ITGB2: variants seen among roughly 807,000 people sequenced by gnomAD.
The protein encoded by ITGB2 is integrin subunit beta 2.
In ITGB2, 56 loss-of-function variants were observed where a neutral mutation model predicts 86.8. The ratio of observed to expected loss-of-function variants is 0.65; its 90% CI spans 0.52 to 0.81. The LOEUF is 0.81. Among genes scored for constraint, ITGB2 ranks in the 30% least tolerant of loss-of-function variants. The pLI, the probability that ITGB2 is intolerant of heterozygous loss-of-function variation, is 0.00. For missense variants in ITGB2, 948 were observed against 1,061.2 expected (o/e 0.89, Z 1.48); for synonymous variants, 457 against 450.4 (o/e 1.01, Z -0.19).
chr21:44,907,844 C>T, intron 3 of ITGB2: 1 of 564,508 alleles, frequency 1.8e-6, no homozygotes, highest in South Asian at 2.4e-5. Flanking sequence ...GGCGACAGTC[C>T]CCAGGGTGCC....
intron 8 of ITGB2, among the ~76,000 whole-genome samples, chr21:44,898,713 G>A (rs1288341269): frequency 6.6e-6 from 1 of 152,204 alleles, no homozygotes; most frequent in Non-Finnish European, 1.5e-5. Context: ...TTATCTTCAC[G>A]GAGAGTGTTG....
intron 12 of ITGB2, 48 bp downstream of exon 12, chr21:44,889,930 G>A: frequency 1.2e-6 from 2 of 1,609,792 alleles, no homozygotes; most frequent in East Asian, 2.2e-5. Context: ...CCAACACCAA[G>A]TCTGTGCCGC....
chr21:44,926,973 G>A (rs902373131), intron 1 of ITGB2: 25 of 152,224 alleles, frequency 1.6e-4, no homozygotes, highest in African/African-American at 5.8e-4. Flanking sequence ...GGGACCCCCA[G>A]CGTCCACACG....
In ITGB2 at chr21:44,895,898, A is replaced by G. The variant is rs1435073374; in HGVS notation, c.994-838T>C. 6.1e-5 allele frequency among the ~76,000 whole-genome samples: 9 copies of G among 147,898 alleles called. No individual in the cohort carries two copies. In the South Asian group the frequency reaches 1.7e-3, roughly 28 times the overall value. ...AATAAAAAAATAAATAAAATAAAAT[A>G]AAATAAATAAAAAATAAAAAAAAAA... On this transcript the variant is annotated intron_variant, in intron 8 of 15. Coordinates refer to ENST00000652462, the MANE Select transcript of ITGB2 (RefSeq NM_000211.5).
At chr21:44,899,977 C>T (rs369976728) in intron 7 of ITGB2, among the ~76,000 whole-genome samples, 7 of 152,154 alleles carry the variant, frequency 4.6e-5, no homozygotes, top group African/African-American at 1.2e-4. Context: ...TGGCCAGAGG[C>T]GGGGACGGCA....
intron 6 of ITGB2, 121 bp downstream of exon 6, chr21:44,901,371 C>T: frequency 7.7e-7 from 1 of 1,297,570 alleles, no homozygotes; most frequent in South Asian, 1.4e-5. Context: ...TCTCCCCAGG[C>T]CCAGGCTGGA....
At chr21:44,926,177 G>A (rs1453607813) in intron 1 of ITGB2, among the ~76,000 whole-genome samples, 1 of 151,674 alleles carries the variant, frequency 6.6e-6, no homozygotes, top group Non-Finnish European at 1.5e-5. Flanking sequence ...GAGTGAAGGG[G>A]AGGGGCTAGG....
chr21:44,921,082 A>G (rs1272852043), upstream of ITGB2: 1 of 152,226 alleles, frequency 6.6e-6, no homozygotes, highest in East Asian at 1.9e-4. Context: ...CATTTCTCAC[A>G]TGAGGTCCCG....
upstream of ITGB2, among the ~76,000 whole-genome samples, chr21:44,922,647 T>G (rs1601342206): frequency 7.8e-6 from 1 of 127,426 alleles, no homozygotes; most frequent in Admixed American, 8.3e-5. Context: ...CACTCCAGTC[T>G]GGGTAACTGA....
chr21:44,901,657 G>A lies in ITGB2; in HGVS notation c.576C>T (p.Pro192=), dbSNP rs1410987156. The part of the protein sequence containing the change: ...THPDKLRNPC[P]NKEKECQPPF... ...GGGGCTGGCACTCTTTCTCCTTGTTGGGGCATGGGTTTCGCAGCTTATCAG... is the reference window on the plus strand; with the variant it reads ...GGGGCTGGCACTCTTTCTCCTTGTTAGGGCATGGGTTTCGCAGCTTATCAG... The change falls in exon 6 of 16, where the codon CCC becomes CCT. Residue 192 remains proline (P), a synonymous_variant. Transcript: ENST00000652462. The A allele has an allele frequency of 6.2e-7, 1 of 1,614,248 alleles. No homozygotes were observed. The highest frequency in any genetic ancestry group is 2.2e-5 in the East Asian group (1 of 44,890).
chr21:44,900,552 G>T, intron 6 of ITGB2, 77 bp from the exon 7 acceptor site: 1 of 1,574,158 alleles, frequency 6.4e-7, no homozygotes, highest in South Asian at 1.1e-5. Context: ...AGGAGACGAT[G>T]CAGAGCTGGT....
chr21:44,920,384 C>T (rs987881396), intron 1 of ITGB2, among the ~76,000 whole-genome samples: 8 of 152,318 alleles, frequency 5.3e-5, no homozygotes, highest in South Asian at 2.1e-4. Context: ...GAGATGGAAT[C>T]GCTGTAGCCA....
In ITGB2 at chr21:44,906,348, C is replaced by T. The variant is rs542155584; in HGVS notation, c.328+567G>A. On this transcript the variant is annotated intron_variant, in intron 4 of 15. Transcript: ENST00000652462. The stretch of plus-strand genomic sequence containing the variant: ...GTTGGCCAGGCTGGTCTCGAACCCC[C>T]GACCTCAAGTGATCCACCCGCCTCG... Among the ~76,000 whole-genome samples, 235 of 152,176 alleles carry T rather than the reference C, an allele frequency of 1.5e-3. 2 individuals are homozygous for T. The highest frequency in any genetic ancestry group is 2.6e-4 in the Non-Finnish European group (18 of 67,998).
chr21:44,923,828 G>T (rs2084338960), upstream of ITGB2, among the ~76,000 whole-genome samples: 1 of 152,166 alleles, frequency 6.6e-6, no homozygotes, highest in Non-Finnish European at 1.5e-5. Context: ...TGTAAGAAAG[G>T]CTCTCTATCA....
upstream of ITGB2, among the ~76,000 whole-genome samples, chr21:44,924,298 C>T (rs139384098): frequency 0.035 from 5,313 of 151,952 alleles, 283 homozygotes; most frequent in African/African-American, 0.12. Flanking sequence ...GGCATGGTGG[C>T]GCATGCCTGT....
In ITGB2 at chr21:44,889,365, G is replaced by A. The variant is rs374307028; in HGVS notation, c.1788C>T (p.Cys596=). ...AATGGCACTCGCATACGTTGCAGCG[G>A]CACCGGCCACGACCACTACACTCAA... is the stretch of plus-strand genomic sequence containing the variant. The part of the protein sequence containing the change: ...RRVECSGRGR[C]RCNVCECHSG... Residue 596 remains cysteine, a synonymous_variant, in exon 13 of 16, where the codon TGC becomes TGT. Transcript: ENST00000652462. The A allele has an allele frequency of 8.7e-6, 14 of 1,612,724 alleles. No homozygotes were observed. The highest frequency in any genetic ancestry group is 2.7e-5 in the African/African-American group (2 of 74,892).
Position 44,910,361 on chromosome 21 carries a change from C to G in ITGB2, c.70G>C (p.Glu24Gln). The G allele has an allele frequency of 5.0e-6, 8 of 1,614,154 alleles. No individual in the cohort carries two copies. The highest frequency in any genetic ancestry group is 6.8e-6 in the Non-Finnish European group (8 of 1,180,018). ...LLSLGCVLSQ[E>Q]CTKFKVSSCR... is the part of the protein sequence containing the mutation. ...CTGCTGACCTTGAACTTCGTGCACT[C>G]CTGAGAGAGGACTGAGGGACGAGGC... is the stretch of plus-strand genomic sequence containing the variant. Residue 24 changes from glutamate to glutamine, a missense_variant, in exon 3 of 16, where the codon GAG (glutamate) becomes CAG (glutamine). Transcript: ENST00000652462.
In ITGB2 at chr21:44,889,991, G is replaced by C; in HGVS notation, c.1644C>G (p.Val548=). 1.2e-6 allele frequency: 2 copies of C among 1,613,284 alleles called. No homozygotes were observed. The highest frequency in any genetic ancestry group is 1.7e-6 in the Non-Finnish European group (2 of 1,180,026). Residue 548 remains valine, a synonymous_variant, in exon 12 of 16, where the codon GTC becomes GTG. Transcript: ENST00000652462. ...CCACGGGCTCACCCGGGCCGCCGCA[G>C]ACCTGGCCGTTGTAGCGCTCACAGT... ...TINCERYNGQ[V]CGGPGRGLCF...
At chr21:44,903,987 CTCCA>C (rs764952417) in intron 4 of ITGB2, among the ~76,000 whole-genome samples, 14 of 152,214 alleles carry the variant, frequency 9.2e-5, no homozygotes, top group Non-Finnish European at 1.8e-4. Flanking sequence ...AGGCCCCTTT[CTCCA>C]TCCCAGCCCT....
Sources: gnomAD v4.1 joint callset for allele counts (sites outside exome capture counted in the v4.1 genomes callset) on GRCh38, gnomAD v4.1.1 for gene constraint, MANE v1.5 for transcripts, NCBI Gene and HGNC (gene_info 2026-07-23, HGNC 2026-07-21) for gene names.